The following DMD variants were observed in gnomAD, a reference collection of about 807,000 sequenced individuals.
DMD encodes dystrophin.
A neutral mutation model predicts 330.1 loss-of-function variants in DMD; 63 were observed. The observed-to-expected ratio is 0.19, with a 90% CI of 0.16 to 0.24. The LOEUF (loss-of-function observed/expected upper bound fraction) is 0.24. Among genes scored for constraint, DMD ranks in the 10% least tolerant of loss-of-function variants. The pLI is 1.00. For synonymous variants in DMD, 1,223 were observed against 959.8 expected, an observed-to-expected ratio of 1.27 and a Z score of -5.07; for missense variants, 3,344 against 2,684.1, an observed-to-expected ratio of 1.25 and a Z score of -5.43.
intron 74 of DMD, among the ~76,000 whole-genome samples, chrX:31,152,686 A>G (rs1225831286): frequency 1.8e-5 from 2 of 111,080 alleles, no homozygotes; most frequent in Non-Finnish European, 3.8e-5. Flanking sequence ...GGCATGTACC[A>G]CCACTCCTGG....
At chrX:31,139,157 C>A (rs1170365088) in intron 76 of DMD, among the ~76,000 whole-genome samples, 1 of 111,425 alleles carries the variant, frequency 9.0e-6, no homozygotes, top group Non-Finnish European at 1.9e-5. Context: ...CACAAACATG[C>A]ATAAATAATA....
intron 62 of DMD, among the ~76,000 whole-genome samples, chrX:31,303,717 T>C (rs965435917): frequency 8.9e-6 from 1 of 111,801 alleles, no homozygotes; most frequent in African/African-American, 3.2e-5. Context: ...CAGAGGACTT[T>C]TTGAGTTTTC....
intron 47 of DMD, among the ~76,000 whole-genome samples, chrX:31,896,370 C>CCAG (rs2094332679): frequency 9.0e-6 from 1 of 111,390 alleles, no homozygotes; most frequent in Non-Finnish European, 1.9e-5. Context: ...GAGGATGCAT[C>CCAG]CAGAAAGATA....
chrX:32,616,620 T>G (rs1417038674), intron 11 of DMD, among the ~76,000 whole-genome samples: 1 of 108,389 alleles, frequency 9.2e-6, no homozygotes, highest in African/African-American at 3.4e-5. Context: ...CTACCAAATG[T>G]TCCAGGCTCA....
At chrX:31,411,905 C>T (rs2061663155) in intron 60 of DMD, among the ~76,000 whole-genome samples, 1 of 110,558 alleles carries the variant, frequency 9.0e-6, no homozygotes, top group African/African-American at 3.3e-5. Context: ...TCTGGCTGGG[C>T]GTGGTGGCTC....
intron 2 of DMD, among the ~76,000 whole-genome samples, chrX:32,971,753 A>G (rs1336023287): frequency 9.0e-6 from 1 of 110,932 alleles, no homozygotes; most frequent in Admixed American, 9.7e-5. Context: ...TTCATGACCT[A>G]GAGACACACA....
At chrX:31,572,000 G>C (rs893207308) in intron 55 of DMD, among the ~76,000 whole-genome samples, 29 of 111,147 alleles carry the variant, frequency 2.6e-4, no homozygotes, top group Admixed American at 2.5e-3. Context: ...GCCGGGAGGA[G>C]AGAGAGGAGC....
Position 31,493,490 on chromosome X carries a change from G to A in DMD, c.8547+3298C>T, listed in dbSNP as rs772334084. On this transcript the variant is annotated intron_variant, in intron 57 of 78. Coordinates refer to ENST00000357033, the MANE Select transcript of DMD (RefSeq NM_004006.3). ...TGGGTGGGTATAGGTAAAAGGGTTT[G>A]AGACAGAGGACCAACATATTTAAAG... is the stretch of plus-strand genomic sequence containing the variant. 2.7e-5 allele frequency among the ~76,000 whole-genome samples: 3 copies of A among 111,911 alleles called. No individual in the cohort carries two copies. The Admixed American group carries it at 2.8e-4, about 11-fold the overall frequency.
chrX:32,880,663 G>A (rs2083846663), intron 2 of DMD, among the ~76,000 whole-genome samples: 1 of 112,727 alleles, frequency 8.9e-6, no homozygotes, highest in Non-Finnish European at 1.9e-5. Flanking sequence ...AAGATTTCTG[G>A]GCTAGGCGCA....
intron 9 of DMD, among the ~76,000 whole-genome samples, chrX:32,672,848 C>A (rs2061715269): frequency 9.0e-6 from 1 of 110,999 alleles, no homozygotes; most frequent in African/African-American, 3.3e-5. Flanking sequence ...AAAAGAGCCA[C>A]TGAGATACGG....
At chrX:32,529,379 CTTTTTTTTTTTTT>C (rs777955346) in intron 17 of DMD, among the ~76,000 whole-genome samples, 12 of 31,038 alleles carry the variant, frequency 3.9e-4, no homozygotes, top group Non-Finnish European at 5.4e-4. Context: ...CAAAAATCAA[CTTTTTTTTTTTTT>C]TTTTTTTTTT....
intron 17 of DMD, among the ~76,000 whole-genome samples, chrX:32,528,673 G>A (rs900441412): frequency 9.0e-6 from 1 of 110,929 alleles, no homozygotes; most frequent in Non-Finnish European, 1.9e-5. Flanking sequence ...CTGATAAGAA[G>A]CACTCTACAG....
intron 18 of DMD, among the ~76,000 whole-genome samples, chrX:32,502,688 T>C (rs1162696481): frequency 8.9e-6 from 1 of 112,424 alleles, no homozygotes; most frequent in Non-Finnish European, 1.9e-5. Context: ...ACCTGTGACT[T>C]AACAATCATA....
intron 41 of DMD, among the ~76,000 whole-genome samples, chrX:32,336,160 TG>T (rs915779932): frequency 1.8e-5 from 2 of 110,083 alleles, no homozygotes; most frequent in African/African-American, 6.6e-5. Flanking sequence ...GTTATCTGTG[TG>T]TGTATAACAT....
chrX:32,961,802 G>A (rs936418630), intron 2 of DMD, among the ~76,000 whole-genome samples: 5 of 111,309 alleles, frequency 4.5e-5, no homozygotes, highest in African/African-American at 6.5e-5. Context: ...GTTAAAGCTC[G>A]TCTCGTTGCC....
intron 74 of DMD, among the ~76,000 whole-genome samples, chrX:31,167,960 G>A (rs1239413551): frequency 2.7e-5 from 3 of 112,280 alleles, no homozygotes; most frequent in Non-Finnish European, 1.9e-5. Flanking sequence ...GGAATTTTCT[G>A]AGAAAGGTCC....
intron 57 of DMD, among the ~76,000 whole-genome samples, chrX:31,483,401 A>T (rs904980796): frequency 8.9e-6 from 1 of 112,087 alleles, no homozygotes; most frequent in African/African-American, 3.2e-5. Flanking sequence ...CTAAAAACTT[A>T]AAAAGTCCAA....
chrX:32,949,251 T>TACACACAC (rs10587318), intron 2 of DMD, among the ~76,000 whole-genome samples: 23 of 89,580 alleles, frequency 2.6e-4, no homozygotes, highest in Admixed American at 1.2e-3. Context: ...AATCGTTACA[T>TACACACAC]ACACACACAC....
chrX:31,326,026 C>T (rs1913004815), intron 61 of DMD, among the ~76,000 whole-genome samples: 1 of 108,688 alleles, frequency 9.2e-6, no homozygotes, highest in African/African-American at 3.4e-5. Flanking sequence ...CCTCTGATAG[C>T]AGAAGAATCA....
Sources: gnomAD v4.1 joint callset for allele counts (sites outside exome capture counted in the v4.1 genomes callset) on GRCh38, gnomAD v4.1.1 for gene constraint, MANE v1.5 for transcripts, NCBI Gene and HGNC (gene_info 2026-07-23, HGNC 2026-07-21) for gene names.